SEMA3C: variants seen among roughly 807,000 people sequenced by gnomAD.
The protein encoded by SEMA3C is semaphorin 3C, also known as semaphorin-3C.
In SEMA3C, 47 loss-of-function variants were observed where a neutral mutation model predicts 89.4. The ratio of observed to expected loss-of-function variants is 0.53; its 90% CI spans 0.42 to 0.67. The LOEUF (loss-of-function observed/expected upper bound fraction) is 0.67. Ranked by LOEUF, SEMA3C falls within the 30% of genes least tolerant of loss-of-function variation. The probability of loss-of-function intolerance (pLI) is 0.00; values close to 1 mark genes in which losing one functional copy is unlikely to be tolerated. For synonymous variants in SEMA3C, 310 were observed against 320.2 expected (o/e 0.97, Z 0.34); for missense variants, 839 against 929.1 (o/e 0.90, Z 1.26).
chr7:80,773,804 G>C (rs1441723325), intron 12 of SEMA3C, among the ~76,000 whole-genome samples: 1 of 152,192 alleles, frequency 6.6e-6, no homozygotes, highest in African/African-American at 2.4e-5. Flanking sequence ...TGAGTCTCTG[G>C]TTGAGTCCTG....
chr7:80,827,090 C>T (rs1251405186), intron 4 of SEMA3C, among the ~76,000 whole-genome samples: 2 of 152,108 alleles, frequency 1.3e-5, no homozygotes, highest in African/African-American at 4.8e-5. Context: ...GGAGCTGCTC[C>T]AGACACTTGC....
At chr7:80,809,881 CACTT>C (rs758071531) in intron 6 of SEMA3C, among the ~76,000 whole-genome samples, 23 of 152,052 alleles carry the variant, frequency 1.5e-4, no homozygotes, top group Middle Eastern at 3.4e-3. Context: ...GGTGTGATCT[CACTT>C]ACATGTGGAA....
intron 6 of SEMA3C, among the ~76,000 whole-genome samples, chr7:80,807,258 G>A (rs1234196491): frequency 6.6e-6 from 1 of 152,038 alleles, no homozygotes; most frequent in African/African-American, 2.4e-5. Context: ...GATTGGCACA[G>A]CTATCAATTG....
chr7:80,762,275 G>A (rs1053274182), intron 13 of SEMA3C, among the ~76,000 whole-genome samples: 2 of 151,990 alleles, frequency 1.3e-5, no homozygotes, highest in Non-Finnish European at 2.9e-5. Context: ...TAATTCCTCC[G>A]CAACACAAGC....
At chr7:80,776,618 C>A (rs1788554715) in intron 12 of SEMA3C, among the ~76,000 whole-genome samples, 1 of 152,216 alleles carries the variant, frequency 6.6e-6, no homozygotes, top group South Asian at 2.1e-4. Context: ...TTGTTATACA[C>A]ACCAGTGCTT....
chr7:80,906,699 T>A (rs1792023986), intron 2 of SEMA3C, among the ~76,000 whole-genome samples: 1 of 152,180 alleles, frequency 6.6e-6, no homozygotes, highest in Admixed American at 6.5e-5. Context: ...AAGGTAGATG[T>A]CAGAAGAAAT....
At chr7:80,748,763 G>A (rs898303598) in intron 17 of SEMA3C, 135 bp downstream of exon 17, 3 of 801,020 alleles carry the variant, frequency 3.7e-6, no homozygotes, top group African/African-American at 1.7e-5. Flanking sequence ...AAGGAAAGTG[G>A]CACTTGTCAT....
Position 80,761,608 on chromosome 7 carries a change from GT to G in SEMA3C, c.1485+7del. ...TAAGCAAAGAACATAAAATAGCTTA[GT>G]TTTTACCTTTTTAGATGAAATTTTC... On this transcript the variant is annotated splice_region_variant and intron_variant, in intron 14 of 17. Coordinates refer to ENST00000265361, the MANE Select transcript of SEMA3C (RefSeq NM_006379.5). 1 of 1,276,084 alleles carries G rather than the reference GT, an allele frequency of 7.8e-7. No homozygotes were observed. Among genetic ancestry groups the G allele is most frequent in the Non-Finnish European group, 1.1e-6 (1 of 912,190 alleles). 79.0% of individuals were successfully genotyped at this position (1,276,084 alleles called of 1,614,324 possible).
chr7:80,766,386 C>T (rs566670991), intron 12 of SEMA3C, among the ~76,000 whole-genome samples: 1 of 152,110 alleles, frequency 6.6e-6, no homozygotes, highest in Non-Finnish European at 1.5e-5. Context: ...AGGCAGGGAA[C>T]ATAAAGCCGA....
intron 1 of SEMA3C, among the ~76,000 whole-genome samples, chr7:80,918,588 G>C (rs1324994149): frequency 1.3e-5 from 2 of 152,030 alleles, no homozygotes; most frequent in African/African-American, 2.4e-5. Flanking sequence ...ATCTCCTCTG[G>C]AGCAATTTTG....
At chr7:80,799,851 C>T (rs1205547179) in intron 10 of SEMA3C, among the ~76,000 whole-genome samples, 1 of 141,632 alleles carries the variant, frequency 7.1e-6, no homozygotes, top group Non-Finnish European at 1.5e-5. Context: ...GAGACCCAAT[C>T]TTAAAAAAAA....
intron 13 of SEMA3C, among the ~76,000 whole-genome samples, chr7:80,763,985 T>C (rs188192994): frequency 3.9e-5 from 6 of 152,306 alleles, no homozygotes; most frequent in African/African-American, 1.4e-4. Flanking sequence ...AATTACAAAT[T>C]TAATAATATA....
At chr7:80,828,934 A>T (rs557398309) in intron 2 of SEMA3C, among the ~76,000 whole-genome samples, 189 bp from the exon 3 acceptor site, 5 of 152,172 alleles carry the variant, frequency 3.3e-5, no homozygotes, top group African/African-American at 9.7e-5. Context: ...AGGCAAAGGT[A>T]TGATGGTCAC....
intron 2 of SEMA3C, among the ~76,000 whole-genome samples, chr7:80,886,337 G>T (rs902307249): frequency 6.6e-6 from 1 of 151,056 alleles, no homozygotes; most frequent in Non-Finnish European, 1.5e-5. Flanking sequence ...GCTGGATGTT[G>T]TACAACTGGA....
At chr7:80,905,385 G>C (rs1048603599) in intron 2 of SEMA3C, among the ~76,000 whole-genome samples, 2 of 150,836 alleles carry the variant, frequency 1.3e-5, no homozygotes, top group African/African-American at 4.9e-5. Context: ...ACCACAGACA[G>C]TTTAGGATTT....
chr7:80,790,005 G>T (rs1443589761), intron 11 of SEMA3C, among the ~76,000 whole-genome samples: 2 of 152,238 alleles, frequency 1.3e-5, no homozygotes, highest in East Asian at 3.9e-4. Flanking sequence ...TTGGAGCTTA[G>T]GGGCTTAGGT....
At chr7:80,908,335 G>T (rs1413185043) in intron 2 of SEMA3C, among the ~76,000 whole-genome samples, 1 of 152,100 alleles carries the variant, frequency 6.6e-6, no homozygotes, top group Admixed American at 6.6e-5. Context: ...TGCCAGCTTG[G>T]TGTACTTCAC....
rs756917531 is a variant in SEMA3C, at chr7:80,789,470, A to G, written c.1190T>C (p.Val397Ala). Residue 397 changes from valine to alanine, a missense_variant, in exon 12 of 18, where the codon GTT becomes GCT. Coordinates refer to ENST00000265361, the MANE Select transcript of SEMA3C (RefSeq NM_006379.5). Reference protein sequence around the residue: ...MRTTKEFPDDVVTFIRNHPLM... With the variant: ...MRTTKEFPDDAVTFIRNHPLM... ...AGGATGGTTCCGAATAAAAGTGACA[A>G]CATCATCTGGGAACTCCTTGGTGGT... The G allele has an allele frequency of 1.3e-5, 21 of 1,613,884 alleles. No individual in the cohort carries two copies. The highest frequency in any genetic ancestry group is 4.5e-5 in the East Asian group (2 of 44,872).
chr7:80,894,956 A>G (rs1791698472), intron 2 of SEMA3C, among the ~76,000 whole-genome samples: 1 of 152,170 alleles, frequency 6.6e-6, no homozygotes, highest in African/African-American at 2.4e-5. Flanking sequence ...CTGTAATATA[A>G]GGGGCCAGAT....
Sources: allele counts gnomAD v4.1 joint callset (sites outside exome capture counted in the v4.1 genomes callset), GRCh38; gene constraint gnomAD v4.1.1; transcripts MANE v1.5; gene names NCBI Gene and HGNC (gene_info 2026-07-23, HGNC 2026-07-21).